SMIM19: variants seen among roughly 807,000 people sequenced by gnomAD.
The protein encoded by SMIM19 is small integral membrane protein 19.
SMIM19 carries 6 observed loss-of-function variants against 13.2 expected under a neutral mutation model. The observed-to-expected ratio is 0.45, with a 90% CI of 0.25 to 0.90. The LOEUF is 0.90. Among genes scored for constraint, SMIM19 ranks in the 40% least tolerant of loss-of-function variants. SMIM19 has a pLI of 0.19. For synonymous variants in SMIM19, 46 were observed against 43.1 expected (o/e 1.07, Z -0.27); for missense variants, 138 against 131.0 (o/e 1.05, Z -0.26).
intron 3 of SMIM19, among the ~76,000 whole-genome samples, chr8:42,552,287 G>C (rs964578498): frequency 1.2e-4 from 19 of 152,038 alleles, no homozygotes; most frequent in Non-Finnish European, 1.9e-4. Context: ...GTGTGGTGGT[G>C]TCTGTCTGTG....
chr8:42,548,224 A>G (rs1033759068), intron 2 of SMIM19, among the ~76,000 whole-genome samples: 1 of 152,210 alleles, frequency 6.6e-6, no homozygotes, highest in African/African-American at 2.4e-5. Flanking sequence ...AGCCCATCCT[A>G]TTGTATTTAA....
chr8:42,541,412 G>A (rs1401885267), upstream of SMIM19: 1 of 147,494 alleles, frequency 6.8e-6, no homozygotes, highest in East Asian at 2.0e-4. Context: ...CCGGGCGGGG[G>A]TCGCGGCGCG....
intron 1 of SMIM19, among the ~76,000 whole-genome samples, chr8:42,545,059 A>G (rs1047714837): frequency 3.9e-5 from 6 of 152,238 alleles, no homozygotes; most frequent in African/African-American, 1.4e-4. Flanking sequence ...ACTACAGTGC[A>G]ACTATCACTT....
Position 42,553,006 on chromosome 8 carries a change from G to A in SMIM19, c.*398G>A, listed in dbSNP as rs768504564. On this transcript the variant is annotated 3_prime_UTR_variant, in exon 4 of 4. Coordinates refer to ENST00000417410, the MANE Select transcript of SMIM19 (RefSeq NM_001135674.2). Reference sequence around the variant, plus strand: ...CTTCCTGTTTCATTGTATTCTGTGAGTGATAAGTGTCAGATCAATAACAGA... The same window carrying A: ...CTTCCTGTTTCATTGTATTCTGTGAATGATAAGTGTCAGATCAATAACAGA... 1 of 160,256 alleles carries A rather than the reference G, an allele frequency of 6.2e-6. No homozygotes were observed. Among genetic ancestry groups the A allele is most frequent in the African/African-American group, 2.4e-5 (1 of 41,374 alleles). 9.9% of individuals were successfully genotyped at this position (160,256 alleles called of 1,614,324 possible).
In SMIM19 at chr8:42,546,533, G is replaced by T; in HGVS notation, c.61G>T (p.Ala21Ser). Residue 21 changes from alanine to serine, a missense_variant, in exon 2 of 4, where the codon GCC becomes TCC. Physicochemically the swap from Ala to Ser is moderately conservative, Grantham distance 99 (BLOSUM62 1). Transcript: ENST00000417410. ...TTCTATTGATTATACTGTTCACGAA[G>T]CCTGGAATGAAGCCACCAATGTTTA... ...DGSIDYTVHE[A>S]WNEATNVYLI... 1 of 1,614,214 alleles carries T rather than the reference G, an allele frequency of 6.2e-7. No individual in the cohort carries two copies. Among genetic ancestry groups the T allele is most frequent in the Non-Finnish European group, 8.5e-7 (1 of 1,180,046 alleles).
chr8:42,543,310 C>T (rs1355640557), intron 1 of SMIM19, among the ~76,000 whole-genome samples: 1 of 152,128 alleles, frequency 6.6e-6, no homozygotes, highest in Non-Finnish European at 1.5e-5. Context: ...TGGGTCTGTA[C>T]TGTGACTCAG....
intron 3 of SMIM19, among the ~76,000 whole-genome samples, chr8:42,549,713 G>T (rs535582256): frequency 2.0e-5 from 3 of 152,048 alleles, no homozygotes; most frequent in Non-Finnish European, 4.4e-5. Context: ...CTTAAAAATG[G>T]TTAAAATGGT....
intron 2 of SMIM19, 126 bp downstream of exon 2, chr8:42,546,732 C>T (rs1813500314): frequency 8.4e-7 from 1 of 1,187,740 alleles, no homozygotes; most frequent in Non-Finnish European, 1.1e-6. Context: ...CACCTGTAAT[C>T]CCAGCACTTT....
Position 42,542,460 on chromosome 8 carries a change from T to G in SMIM19, c.-5+87T>G, listed in dbSNP as rs534214580. ...AATCCCATTTTTTGATGCAGAGGAT[T>G]TTGTTGTAAGGGACTCTAGGAACTA... On this transcript the variant is annotated intron_variant, in intron 1 of 3. Coordinates refer to ENST00000417410, the MANE Select transcript of SMIM19 (RefSeq NM_001135674.2). The G allele has an allele frequency of 1.3e-5, 13 of 985,352 alleles. No homozygotes were observed. In the African/African-American group the frequency reaches 2.3e-4, roughly 17 times the overall value. The allele number at this position is 985,352 out of a possible 1,614,324, so 61.0% of individuals were successfully genotyped here.
Position 42,552,081 on chromosome 8 carries a change from G to A in SMIM19, c.260-463G>A, listed in dbSNP as rs977336374. Among the ~76,000 whole-genome samples the A allele has an allele frequency of 6.6e-5, 10 of 152,234 alleles. No individual in the cohort carries two copies. In the East Asian group the frequency reaches 1.7e-3, roughly 26 times the overall value. On this transcript the variant is annotated intron_variant, in intron 3 of 3. Coordinates refer to ENST00000417410, the MANE Select transcript of SMIM19 (RefSeq NM_001135674.2). ...TGTTGAGAAATTAGAGGATCATGAA[G>A]TGTAATACATCTTTTCCAAAGAAAC...
At chr8:42,548,422 C>T in intron 2 of SMIM19, 1 of 556,970 alleles carries the variant, frequency 1.8e-6, no homozygotes, top group Non-Finnish European at 3.4e-6. Flanking sequence ...GGAGGAACTT[C>T]ACTTTGTTGT....
At chr8:42,547,311 C>T (rs1237598083) in intron 2 of SMIM19, among the ~76,000 whole-genome samples, 2 of 151,234 alleles carry the variant, frequency 1.3e-5, no homozygotes, top group African/African-American at 2.4e-5. Context: ...GAGACAAGAT[C>T]GTGCCATTGC....
intron 3 of SMIM19, among the ~76,000 whole-genome samples, chr8:42,551,997 T>C (rs988903680): frequency 1.2e-4 from 18 of 152,194 alleles, no homozygotes; most frequent in African/African-American, 4.3e-4. Context: ...ATTTTAAAGC[T>C]ATGAATAATC....
At chr8:42,543,258 G>C (rs1168642728) in intron 1 of SMIM19, among the ~76,000 whole-genome samples, 1 of 152,182 alleles carries the variant, frequency 6.6e-6, no homozygotes, top group Non-Finnish European at 1.5e-5. Context: ...GGCATGCCGG[G>C]GAGGAGGGGA....
At chr8:42,542,912 C>G (rs1245568101) in intron 1 of SMIM19, among the ~76,000 whole-genome samples, 1 of 149,624 alleles carries the variant, frequency 6.7e-6, no homozygotes, top group Non-Finnish European at 1.5e-5. Context: ...TCTGGGACGT[C>G]GAGGCTGCAG....
intron 3 of SMIM19, among the ~76,000 whole-genome samples, chr8:42,551,471 A>G (rs1025592179): frequency 8.5e-5 from 13 of 152,182 alleles, no homozygotes; most frequent in Admixed American, 7.9e-4. Flanking sequence ...AGAATTGCAT[A>G]TCTATTTTTT....
chr8:42,547,847 A>T (rs1813539556), intron 2 of SMIM19, among the ~76,000 whole-genome samples: 1 of 152,168 alleles, frequency 6.6e-6, no homozygotes, highest in African/African-American at 2.4e-5. Flanking sequence ...AGGTGCAGGG[A>T]TGCTTTAAAA....
intron 1 of SMIM19, among the ~76,000 whole-genome samples, chr8:42,545,778 C>T (rs1318730497): frequency 6.6e-6 from 1 of 152,214 alleles, no homozygotes; most frequent in African/African-American, 2.4e-5. Context: ...TGATCACCCA[C>T]CTCGGCCTCC....
At chr8:42,546,257 T>G (rs1813478158) in intron 1 of SMIM19, among the ~76,000 whole-genome samples, 1 of 152,246 alleles carries the variant, frequency 6.6e-6, no homozygotes, top group Admixed American at 6.5e-5. Flanking sequence ...GTTGGTTGAT[T>G]ATGTGGATGC....
Sources: allele counts gnomAD v4.1 joint callset (sites outside exome capture counted in the v4.1 genomes callset), GRCh38; gene constraint gnomAD v4.1.1; transcripts MANE v1.5; gene names NCBI Gene and HGNC (gene_info 2026-07-23, HGNC 2026-07-21).